NIBAN1: variants seen among roughly 807,000 people sequenced by gnomAD.
NIBAN1 encodes niban apoptosis regulator 1.
In NIBAN1, 81 loss-of-function variants were observed where a neutral mutation model predicts 75.1. That is an observed-to-expected ratio of 1.08 (90% confidence interval 0.90 to 1.30). The LOEUF (loss-of-function observed/expected upper bound fraction) is 1.30. Among genes scored for constraint, NIBAN1 ranks in the 50% most tolerant of loss-of-function variants. The pLI is 0.00. For synonymous variants in NIBAN1, 436 were observed against 424.8 expected (o/e 1.03, Z -0.32); for missense variants, 1,133 against 1,128.1 (o/e 1.00, Z -0.06).
chr1:184,855,318 C>G (rs1557888588), intron 5 of NIBAN1, among the ~76,000 whole-genome samples: 1 of 152,114 alleles, frequency 6.6e-6, no homozygotes, highest in Non-Finnish European at 1.5e-5. Context: ...AGGTAGCATC[C>G]TTAGCAGCTG....
chr1:184,931,520 A>G (rs1299520431), intron 1 of NIBAN1, among the ~76,000 whole-genome samples: 1 of 152,244 alleles, frequency 6.6e-6, no homozygotes, highest in Non-Finnish European at 1.5e-5. Flanking sequence ...AAGTTATTGT[A>G]TAAGTAGAAA....
chr1:184,899,200 C>T lies in NIBAN1; in HGVS notation c.165G>A (p.Thr55=), dbSNP rs762653796. ...RTEVEQQRDL[T]SQFLKTKPPL... ...TTACCTTGGTCTTCAAAAACTGTGA[C>T]GTTAAATCTCTTTGCTGTTCTACTT... is the stretch of plus-strand genomic sequence containing the variant. Residue 55 remains threonine (T), a synonymous_variant, in exon 2 of 14, where the codon ACG becomes ACA. Transcript: ENST00000367511. 1.6e-5 allele frequency: 26 copies of T among 1,613,728 alleles called. No individual in the cohort carries two copies. Among genetic ancestry groups the T allele is most frequent in the South Asian group, 2.2e-5 (2 of 91,080 alleles).
At chr1:184,967,921 C>T (rs989691834) in intron 1 of NIBAN1, among the ~76,000 whole-genome samples, 2 of 74,552 alleles carry the variant, frequency 2.7e-5, no homozygotes, top group Admixed American at 2.6e-4. Flanking sequence ...TCACAACTCA[C>T]GGCCGGGCGC....
chr1:184,916,814 CCTG>C (rs1657397306), intron 1 of NIBAN1, among the ~76,000 whole-genome samples: 2 of 152,046 alleles, frequency 1.3e-5, no homozygotes, highest in African/African-American at 4.8e-5. Flanking sequence ...CTCGTTTAAA[CCTG>C]CTTATTCTAC....
intron 1 of NIBAN1, among the ~76,000 whole-genome samples, chr1:184,948,085 C>A (rs947995151): frequency 6.6e-6 from 1 of 151,854 alleles, no homozygotes; most frequent in African/African-American, 2.4e-5. Flanking sequence ...TCAACCTACT[C>A]CCAGATAAGC....
chr1:184,869,136 C>T (rs1656032709), intron 5 of NIBAN1, among the ~76,000 whole-genome samples: 1 of 152,100 alleles, frequency 6.6e-6, no homozygotes, highest in African/African-American at 2.4e-5. Flanking sequence ...TAATTTTAGG[C>T]ATATTGCTTT....
intron 1 of NIBAN1, among the ~76,000 whole-genome samples, chr1:184,900,068 G>A (rs560066388): frequency 3.7e-4 from 57 of 152,060 alleles, no homozygotes; most frequent in Admixed American, 2.9e-3. Flanking sequence ...TGCCCGCCTC[G>A]GCCTCCCAAA....
At chr1:184,807,614 C>A (rs1031444419) in intron 10 of NIBAN1, among the ~76,000 whole-genome samples, 4 of 152,158 alleles carry the variant, frequency 2.6e-5, no homozygotes, top group Non-Finnish European at 5.9e-5. Context: ...ACAGTAAAAA[C>A]CCCATCTCTA....
chr1:184,819,058 G>C (rs1191728429), intron 8 of NIBAN1, among the ~76,000 whole-genome samples: 2 of 152,042 alleles, frequency 1.3e-5, no homozygotes, highest in Admixed American at 1.3e-4. Flanking sequence ...GCTTTCCTCT[G>C]CCCTGGGATA....
intron 5 of NIBAN1, among the ~76,000 whole-genome samples, chr1:184,863,659 C>T (rs1004086767): frequency 4.6e-5 from 7 of 152,140 alleles, no homozygotes; most frequent in African/African-American, 1.7e-4. Flanking sequence ...TTTTTCCTCC[C>T]TTCAACCACT....
At chr1:184,866,170 T>C (rs1200522266) in intron 5 of NIBAN1, among the ~76,000 whole-genome samples, 1 of 152,134 alleles carries the variant, frequency 6.6e-6, no homozygotes, top group Non-Finnish European at 1.5e-5. Context: ...AGGAGTCAGA[T>C]AAATAAATAG....
intron 9 of NIBAN1, among the ~76,000 whole-genome samples, chr1:184,811,192 C>A (rs867038625): frequency 2.6e-5 from 4 of 152,154 alleles, no homozygotes; most frequent in African/African-American, 9.7e-5. Context: ...TGGTAGTAAG[C>A]AGTAATATTG....
Position 184,867,789 on chromosome 1 carries a change from T to C in NIBAN1, c.601+16844A>G, listed in dbSNP as rs1655996840. On this transcript the variant is annotated intron_variant, in intron 5 of 13. Coordinates refer to ENST00000367511, the MANE Select transcript of NIBAN1 (RefSeq NM_052966.4). ...AGCCTTACAAATTGAGTTTGGTTTATAAGCAATGACTGTGTTTTCGGTTTG... is the reference window on the plus strand; with the variant it reads ...AGCCTTACAAATTGAGTTTGGTTTACAAGCAATGACTGTGTTTTCGGTTTG... 8 of 901,106 alleles carry C rather than the reference T, an allele frequency of 8.9e-6. No homozygotes were observed. In the South Asian group the frequency reaches 4.1e-4, roughly 46 times the overall value. 55.8% of individuals were successfully genotyped at this position (901,106 alleles called of 1,614,324 possible).
At chr1:184,883,445 C>T (rs1656428301) in intron 5 of NIBAN1, among the ~76,000 whole-genome samples, 1 of 152,216 alleles carries the variant, frequency 6.6e-6, no homozygotes, top group South Asian at 2.1e-4. Flanking sequence ...GCCCTCAGTA[C>T]TCTTAGACTG....
chr1:184,974,121 A>G (rs948557717), intron 1 of NIBAN1, among the ~76,000 whole-genome samples, 181 bp downstream of exon 1: 1 of 151,698 alleles, frequency 6.6e-6, no homozygotes, highest in South Asian at 2.1e-4. Context: ...CCCGGTCCAC[A>G]CCCGCGCCGG....
chr1:184,931,950 A>C (rs1397532681), intron 1 of NIBAN1, among the ~76,000 whole-genome samples: 1 of 152,180 alleles, frequency 6.6e-6, no homozygotes, highest in East Asian at 1.9e-4. Context: ...CACCCTCTCC[A>C]TGTTCTCCCT....
chr1:184,795,951 G>A lies in NIBAN1; in HGVS notation c.1813C>T (p.Leu605=). The A allele has an allele frequency of 6.2e-7, 1 of 1,614,198 alleles. No homozygotes were observed. Among genetic ancestry groups the A allele is most frequent in the South Asian group, 1.1e-5 (1 of 91,084 alleles). ...GTCTCACTACCCAGAACTCCTGGCAGAATGGCAGAAGCTCTCCTGGCAGGG... is the reference window on the plus strand; with the variant it reads ...GTCTCACTACCCAGAACTCCTGGCAAAATGGCAGAAGCTCTCCTGGCAGGG... The part of the protein sequence containing the change: ...ASPARRASAI[L]PGVLGSETLS... The change falls in exon 14 of 14, where the codon CTG becomes TTG. Residue 605 remains leucine (L), a synonymous_variant. Coordinates refer to ENST00000367511, the MANE Select transcript of NIBAN1 (RefSeq NM_052966.4).
intron 1 of NIBAN1, among the ~76,000 whole-genome samples, chr1:184,960,392 A>G (rs1302956034): frequency 6.6e-6 from 1 of 152,208 alleles, no homozygotes; most frequent in Non-Finnish European, 1.5e-5. Flanking sequence ...TGTTTTACAA[A>G]TGAAATACTT....
At chr1:184,810,724 T>C (rs1654351619) in intron 9 of NIBAN1, among the ~76,000 whole-genome samples, 2 of 152,236 alleles carry the variant, frequency 1.3e-5, no homozygotes, top group Non-Finnish European at 2.9e-5. Context: ...TGTCTGTAAA[T>C]TTATTCTGAC....
Sources: gnomAD v4.1 joint callset for allele counts (sites outside exome capture counted in the v4.1 genomes callset) on GRCh38, gnomAD v4.1.1 for gene constraint, MANE v1.5 for transcripts, NCBI Gene and HGNC (gene_info 2026-07-23, HGNC 2026-07-21) for gene names.